ALCAM: variants seen among roughly 807,000 people sequenced by gnomAD.
ALCAM encodes CD166 antigen.
ALCAM carries 30 observed loss-of-function variants against 70.9 expected under a neutral mutation model. The observed-to-expected ratio is 0.42, with a 90% CI of 0.32 to 0.57. ALCAM has a LOEUF of 0.57. ALCAM is among the 20% of genes least tolerant of loss of function. The pLI is 0.11. For synonymous variants in ALCAM, 249 were observed against 242.5 expected (o/e 1.03, Z -0.25); for missense variants, 591 against 695.1 (o/e 0.85, Z 1.68).
intron 1 of ALCAM, among the ~76,000 whole-genome samples, chr3:105,491,610 GC>G (rs966028012): frequency 2.0e-5 from 3 of 152,246 alleles, no homozygotes; most frequent in Non-Finnish European, 2.9e-5. Context: ...AATTTCTCCT[GC>G]CAGATAACCT....
intron 1 of ALCAM, among the ~76,000 whole-genome samples, chr3:105,516,198 C>T (rs1939375753): frequency 6.6e-6 from 1 of 151,654 alleles, no homozygotes; most frequent in South Asian, 2.1e-4. Context: ...TTTAATCTAC[C>T]TCAATTCAAA....
At chr3:105,424,571 A>G (rs1349144332) in intron 1 of ALCAM, among the ~76,000 whole-genome samples, 3 of 151,728 alleles carry the variant, frequency 2.0e-5, no homozygotes, top group African/African-American at 7.2e-5. Flanking sequence ...GCCAGTTTAA[A>G]GACAATCTGA....
chr3:105,471,406 C>T (rs1028105001), intron 1 of ALCAM, among the ~76,000 whole-genome samples: 1 of 151,202 alleles, frequency 6.6e-6, no homozygotes, highest in Admixed American at 6.6e-5. Context: ...AAAAAGTGCA[C>T]AAATGGAAAA....
chr3:105,377,929 T>C (rs1190429931), intron 1 of ALCAM, among the ~76,000 whole-genome samples: 3 of 152,056 alleles, frequency 2.0e-5, no homozygotes, highest in Non-Finnish European at 4.4e-5. Context: ...GTCTGACTAA[T>C]GCCACTTTGT....
intron 1 of ALCAM, among the ~76,000 whole-genome samples, chr3:105,505,894 T>A (rs544185706): frequency 6.6e-6 from 1 of 152,202 alleles, no homozygotes; most frequent in Admixed American, 6.5e-5. Flanking sequence ...GAAATCATTA[T>A]AAATATTCTC....
At chr3:105,565,272 A>G (rs1177192436) in intron 14 of ALCAM, among the ~76,000 whole-genome samples, 1 of 152,218 alleles carries the variant, frequency 6.6e-6, no homozygotes, top group Non-Finnish European at 1.5e-5. Flanking sequence ...TGGTATACAT[A>G]TATTAGACTG....
chr3:105,554,201 G>A (rs1940470606), intron 14 of ALCAM, among the ~76,000 whole-genome samples: 1 of 151,866 alleles, frequency 6.6e-6, no homozygotes, highest in South Asian at 2.1e-4. Context: ...AGACACAGTA[G>A]AGTTAATGTG....
At chr3:105,546,331 T>C (rs2152630452) in intron 9 of ALCAM, among the ~76,000 whole-genome samples, 1 of 151,596 alleles carries the variant, frequency 6.6e-6, no homozygotes, top group Middle Eastern at 3.4e-3. Context: ...GATGAAATTA[T>C]TTTGTATTGC....
chr3:105,399,193 A>G (rs1936025142), intron 1 of ALCAM, among the ~76,000 whole-genome samples: 1 of 152,136 alleles, frequency 6.6e-6, no homozygotes, highest in Non-Finnish European at 1.5e-5. Flanking sequence ...TTATTCAGAT[A>G]TAGTTCAGAC....
chr3:105,488,618 CAGGAAGGAAGGT>C (rs368726877), intron 1 of ALCAM, among the ~76,000 whole-genome samples: 114 of 135,314 alleles, frequency 8.4e-4, no homozygotes, highest in African/African-American at 3.0e-3. Context: ...AAAAGAGAGA[CAGGAAGGAAGGT>C]AGGAAGGAAG....
intron 1 of ALCAM, among the ~76,000 whole-genome samples, chr3:105,470,444 A>G (rs1275545403): frequency 6.6e-6 from 1 of 151,262 alleles, no homozygotes; most frequent in Non-Finnish European, 1.5e-5. Flanking sequence ...ATAGGATAAG[A>G]AACCATGTTC....
chr3:105,517,516 AACTTTT>A (rs1234383670), intron 1 of ALCAM, among the ~76,000 whole-genome samples: 3 of 152,134 alleles, frequency 2.0e-5, no homozygotes, highest in African/African-American at 7.2e-5. Flanking sequence ...TTGAATAAAC[AACTTTT>A]ACTTTACGGT....
intron 2 of ALCAM, among the ~76,000 whole-genome samples, chr3:105,520,763 G>C (rs1351412383): frequency 6.6e-6 from 1 of 152,144 alleles, no homozygotes; most frequent in African/African-American, 2.4e-5. Context: ...TAGAGATCCT[G>C]GTAGGGAGAT....
intron 1 of ALCAM, among the ~76,000 whole-genome samples, chr3:105,492,256 A>G (rs1004267785): frequency 2.0e-5 from 3 of 152,146 alleles, no homozygotes; most frequent in African/African-American, 7.2e-5. Context: ...TGATTCAATT[A>G]CTTCCCACCG....
intron 2 of ALCAM, among the ~76,000 whole-genome samples, chr3:105,522,657 G>T (rs1160460076): frequency 6.6e-6 from 1 of 152,132 alleles, no homozygotes; most frequent in Non-Finnish European, 1.5e-5. Context: ...GCTATCAAGA[G>T]TGGTACAGTG....
At chr3:105,507,269 T>C (rs1331403568) in intron 1 of ALCAM, among the ~76,000 whole-genome samples, 1 of 152,146 alleles carries the variant, frequency 6.6e-6, no homozygotes, top group Non-Finnish European at 1.5e-5. Flanking sequence ...CCGATGTTGA[T>C]ACATTATTAT....
intron 6 of ALCAM, among the ~76,000 whole-genome samples, chr3:105,538,547 A>T (rs1430812946): frequency 3.9e-5 from 6 of 152,072 alleles, no homozygotes; most frequent in Non-Finnish European, 8.8e-5. Flanking sequence ...GAACACAGAG[A>T]AGGGGAGTTT....
chr3:105,444,326 C>T (rs1203778564), intron 1 of ALCAM, among the ~76,000 whole-genome samples: 2 of 152,088 alleles, frequency 1.3e-5, no homozygotes, highest in Non-Finnish European at 2.9e-5. Flanking sequence ...AAAGGGAAGA[C>T]GCACATCTTA....
chr3:105,475,113 G>A (rs1938066154), intron 1 of ALCAM, among the ~76,000 whole-genome samples: 1 of 151,852 alleles, frequency 6.6e-6, no homozygotes, highest in South Asian at 2.1e-4. Flanking sequence ...AACCTGGCAA[G>A]GCTTTTTCTA....
Sources: gnomAD v4.1 joint callset for allele counts (sites outside exome capture counted in the v4.1 genomes callset) on GRCh38, gnomAD v4.1.1 for gene constraint, MANE v1.5 for transcripts, NCBI Gene and HGNC (gene_info 2026-07-23, HGNC 2026-07-21) for gene names.